SH3RF3: variants seen among roughly 807,000 people sequenced by gnomAD.
The protein encoded by SH3RF3 is SH3 domain containing ring finger 3, also known as E3 ubiquitin-protein ligase SH3RF3.
A neutral mutation model predicts 66.3 loss-of-function variants in SH3RF3; 29 were observed. The ratio of observed to expected loss-of-function variants is 0.44; its 90% confidence interval spans 0.33 to 0.60. The LOEUF (loss-of-function observed/expected upper bound fraction) is 0.60. SH3RF3 is among the 20% of genes least tolerant of loss of function. SH3RF3 has a pLI of 0.04. For synonymous variants in SH3RF3, 583 were observed against 532.0 expected (o/e 1.10, Z -1.32); for missense variants, 1,194 against 1,190.9 (o/e 1.00, Z -0.04).
At chr2:109,194,300 A>G (rs1678441871) in intron 1 of SH3RF3, among the ~76,000 whole-genome samples, 1 of 152,244 alleles carries the variant, frequency 6.6e-6, no homozygotes, top group African/African-American at 2.4e-5. Context: ...TCTTACCTGC[A>G]GGGGACTTTC....
Position 109,498,213 on chromosome 2 carries a change from A to G in SH3RF3, c.2481-3290A>G, listed in dbSNP as rs556719412. On this transcript the variant is annotated intron_variant, in intron 9 of 9. Coordinates refer to ENST00000309415, the MANE Select transcript of SH3RF3 (RefSeq NM_001099289.3). The stretch of plus-strand genomic sequence containing the variant: ...GGTTCGCCGGCAGATAGCCCATGGG[A>G]ACCAGTCCAACCATCGTGCACCCGT... 2.0e-4 allele frequency among the ~76,000 whole-genome samples: 31 copies of G among 152,274 alleles called. No homozygotes were observed. The East Asian group carries it at 3.5e-3, about 17-fold the overall frequency.
intron 1 of SH3RF3, among the ~76,000 whole-genome samples, chr2:109,327,756 A>G (rs1187492527): frequency 6.6e-6 from 1 of 152,240 alleles, no homozygotes; most frequent in Non-Finnish European, 1.5e-5. Context: ...ATTTTTAATT[A>G]TATATTTTAG....
At chr2:109,448,637 G>A (rs1677776044) in intron 7 of SH3RF3, among the ~76,000 whole-genome samples, 1 of 152,164 alleles carries the variant, frequency 6.6e-6, no homozygotes, top group Non-Finnish European at 1.5e-5. Context: ...CTAGTTGCAG[G>A]AAAATAAGCT....
Position 109,368,708 on chromosome 2 carries a change from TAAA to T in SH3RF3, c.850-2865_850-2863del, listed in dbSNP as rs372666198. The stretch of plus-strand genomic sequence containing the variant: ...AGTGTGGATATCATGGTATTTTCTT[TAAA>T]AAAAAAAAAAAAGAAAAAGAAAAAG... On this transcript the variant is annotated intron_variant, in intron 2 of 9. Transcript: ENST00000309415. 2.6e-4 allele frequency among the ~76,000 whole-genome samples: 35 copies of T among 136,806 alleles called. No individual in the cohort carries two copies. The South Asian group carries it at 8.2e-3, about 32-fold the overall frequency. The allele number at this position is 136,806 out of a possible 152,430, so 89.8% of individuals were successfully genotyped here.
At chr2:109,326,541 G>C (rs1391398408) in intron 1 of SH3RF3, among the ~76,000 whole-genome samples, 1 of 152,172 alleles carries the variant, frequency 6.6e-6, no homozygotes, top group African/African-American at 2.4e-5. Flanking sequence ...TGCCAATCTG[G>C]TGGGTGTGAA....
intron 1 of SH3RF3, among the ~76,000 whole-genome samples, chr2:109,327,138 C>T (rs1485806640): frequency 6.6e-6 from 1 of 152,054 alleles, no homozygotes; most frequent in Non-Finnish European, 1.5e-5. Context: ...CATTTCCTAC[C>T]CTGGAGCTTT....
chr2:109,497,085 C>A (rs1033380792), intron 9 of SH3RF3, among the ~76,000 whole-genome samples: 2 of 152,184 alleles, frequency 1.3e-5, no homozygotes, highest in Non-Finnish European at 2.9e-5. Flanking sequence ...CCCAGTGAGA[C>A]CACGTTGGAG....
chr2:109,140,807 G>A (rs1191220134), intron 1 of SH3RF3, among the ~76,000 whole-genome samples: 1 of 152,194 alleles, frequency 6.6e-6, no homozygotes, highest in African/African-American at 2.4e-5. Context: ...CATCTCCTCT[G>A]TGTCCCCAAA....
intron 5 of SH3RF3, among the ~76,000 whole-genome samples, chr2:109,430,634 GTTT>G (rs1677181795): frequency 6.6e-6 from 1 of 152,138 alleles, no homozygotes; most frequent in African/African-American, 2.4e-5. Context: ...GGCTGCAGTT[GTTT>G]GTCATTTTCA....
At chr2:109,376,488 G>A (rs189327305) in intron 3 of SH3RF3, among the ~76,000 whole-genome samples, 13 of 152,250 alleles carry the variant, frequency 8.5e-5, no homozygotes, top group East Asian at 7.7e-4. Context: ...AGTGATTCTC[G>A]TCTGCGAGGA....
intron 3 of SH3RF3, among the ~76,000 whole-genome samples, chr2:109,390,363 C>T (rs1675952474): frequency 6.6e-6 from 1 of 152,218 alleles, no homozygotes; most frequent in Non-Finnish European, 1.5e-5. Flanking sequence ...TGCTGAGGGG[C>T]TAATCAGGCC....
At chr2:109,329,722 G>A (rs934748077) in intron 1 of SH3RF3, among the ~76,000 whole-genome samples, 4 of 152,230 alleles carry the variant, frequency 2.6e-5, no homozygotes, top group African/African-American at 7.2e-5. Context: ...GCAGGAGGAA[G>A]GTGAAATGAA....
At chr2:109,396,035 G>A (rs571394014) in intron 3 of SH3RF3, among the ~76,000 whole-genome samples, 2 of 152,312 alleles carry the variant, frequency 1.3e-5, no homozygotes, top group African/African-American at 2.4e-5. Flanking sequence ...AAGTGCAGGC[G>A]CGTGGCAGGT....
In SH3RF3 at chr2:109,273,284, G is replaced by A. The variant is rs111366791; in HGVS notation, c.574-74390G>A. Among the ~76,000 whole-genome samples the A allele has an allele frequency of 4.8e-3, 736 of 152,320 alleles. 11 individuals are homozygous for A. The highest frequency in any genetic ancestry group is 0.017 in the African/African-American group (703 of 41,574). On this transcript the variant is annotated intron_variant, in intron 1 of 9. Coordinates refer to ENST00000309415, the MANE Select transcript of SH3RF3 (RefSeq NM_001099289.3). ...CATGTGTTTCTGTGGATGTATCTGT[G>A]GGGCACTCAGGGCCCTGGAGGCAGA...
intron 8 of SH3RF3, among the ~76,000 whole-genome samples, chr2:109,489,166 A>G (rs141199836): frequency 4.4e-3 from 675 of 152,354 alleles, no homozygotes; most frequent in African/African-American, 0.016. Flanking sequence ...TCTCTATTGC[A>G]TAAGCAGCAG....
chr2:109,290,309 C>G (rs9941575), intron 1 of SH3RF3, among the ~76,000 whole-genome samples: 1 of 152,118 alleles, frequency 6.6e-6, no homozygotes, highest in Non-Finnish European at 1.5e-5. Flanking sequence ...AACACATTGC[C>G]CCCAGGCACG....
At chr2:109,211,156 AAGG>A (rs930240660) in intron 1 of SH3RF3, among the ~76,000 whole-genome samples, 2 of 152,190 alleles carry the variant, frequency 1.3e-5, no homozygotes, top group African/African-American at 2.4e-5. Context: ...AGCACAATTA[AAGG>A]AGAAGTGAGC....
At chr2:109,151,369 C>T (rs938783294) in intron 1 of SH3RF3, among the ~76,000 whole-genome samples, 3 of 152,156 alleles carry the variant, frequency 2.0e-5, no homozygotes, top group African/African-American at 7.2e-5. Flanking sequence ...AATGGTTTAA[C>T]AGGTGTTCAA....
intron 1 of SH3RF3, among the ~76,000 whole-genome samples, chr2:109,284,766 G>A (rs73955507): frequency 0.045 from 6,882 of 152,266 alleles, 523 homozygotes; most frequent in African/African-American, 0.16. Flanking sequence ...CTAAGCACAT[G>A]TGTGTGGAGT....
Sources: gnomAD v4.1 joint callset for allele counts (sites outside exome capture counted in the v4.1 genomes callset) on GRCh38, gnomAD v4.1.1 for gene constraint, MANE v1.5 for transcripts, NCBI Gene and HGNC (gene_info 2026-07-23, HGNC 2026-07-21) for gene names.